AQP2: variants seen among roughly 807,000 people sequenced by gnomAD.
AQP2 encodes aquaporin-2.
AQP2 carries 20 observed loss-of-function variants against 21.6 expected under a neutral mutation model. That is an observed-to-expected ratio of 0.92 (90% confidence interval 0.65 to 1.34). The LOEUF (loss-of-function observed/expected upper bound fraction) is 1.34, where lower values mean the gene tolerates loss of function less well. Among genes scored for constraint, AQP2 ranks in the 40% most tolerant of loss-of-function variants. AQP2 has a pLI of 0.00. For synonymous variants in AQP2, 168 were observed against 166.9 expected (o/e 1.01, Z -0.05); for missense variants, 325 against 363.4 (o/e 0.89, Z 0.86).
chr12:49,957,705 A>AC lies in AQP2; in HGVS notation c.*2098dup, dbSNP rs1323903788. On this transcript the variant is annotated 3_prime_UTR_variant, in exon 4 of 4. Transcript: ENST00000199280. ...TAGCTAGTGACAGCCACTTGGCCTC[A>AC]CTACCAGAAGAAGGGTGGAGTCAGA... The AC allele has an allele frequency of 6.6e-6, 1 of 152,248 alleles. No homozygotes were observed. Among genetic ancestry groups the AC allele is most frequent in the Non-Finnish European group, 1.5e-5 (1 of 68,064 alleles). The allele number at this position is 152,248 out of a possible 1,614,324, so 9.4% of individuals were successfully genotyped here.
Position 49,957,002 on chromosome 12 carries a change from T to C in AQP2, c.*1394T>C, listed in dbSNP as rs1187704591. On this transcript the variant is annotated 3_prime_UTR_variant, in exon 4 of 4. Coordinates refer to ENST00000199280, the MANE Select transcript of AQP2 (RefSeq NM_000486.6). ...AATTTCTAGGCCAGTACTACTGCTC[T>C]CAAAAGAGATTAACTGGGATTAAGT... 6.6e-6 allele frequency: 1 copy of C among 152,638 alleles called. No homozygotes were observed. The highest frequency in any genetic ancestry group is 6.5e-5 in the Admixed American group (1 of 15,290). The allele number at this position is 152,638 out of a possible 1,614,324, so 9.5% of individuals were successfully genotyped here.
intron 1 of AQP2, among the ~76,000 whole-genome samples, chr12:49,952,979 T>A (rs1947340559): frequency 6.6e-6 from 1 of 152,190 alleles, no homozygotes. Context: ...AGTGGCAAAT[T>A]GAGGCTCAAC....
intron 1 of AQP2, among the ~76,000 whole-genome samples, chr12:49,952,472 G>A (rs910470888): frequency 6.6e-6 from 1 of 152,182 alleles, no homozygotes; most frequent in African/African-American, 2.4e-5. Flanking sequence ...GGCTAGGTGG[G>A]CAAGCAGAGG....
Position 49,956,917 on chromosome 12 carries a change from A to C in AQP2, c.*1309A>C, listed in dbSNP as rs1350108655. 6.6e-6 allele frequency: 1 copy of C among 152,628 alleles called. No homozygotes were observed. Among genetic ancestry groups the C allele is most frequent in the African/African-American group, 2.4e-5 (1 of 41,442 alleles). The allele number at this position is 152,628 out of a possible 1,614,324, so 9.5% of individuals were successfully genotyped here. On this transcript the variant is annotated 3_prime_UTR_variant, in exon 4 of 4. Coordinates refer to ENST00000199280, the MANE Select transcript of AQP2 (RefSeq NM_000486.6). ...AGAGCAGCCTGCTGCTCTCAGGACC[A>C]GAGAAGGGAAATGACTTCTCCAGGC... is the stretch of plus-strand genomic sequence containing the variant.
chr12:49,954,122 G>A (rs1416379233), intron 1 of AQP2, 33 bp from the exon 2 acceptor site: 10 of 1,597,364 alleles, frequency 6.3e-6, no homozygotes, highest in Non-Finnish European at 7.6e-6. Context: ...AGTGGGCTCA[G>A]TGTTCCCCTA....
Position 49,950,765 on chromosome 12 carries a change from C to G in AQP2, c.-66C>G, listed in dbSNP as rs143249649. 91 of 1,571,882 alleles carry G rather than the reference C, an allele frequency of 5.8e-5. No homozygotes were observed. In the African/African-American group the frequency reaches 7.7e-4, roughly 13 times the overall value. ...CCTTGAGAAAGAGAGCGATAGAGTGCGAGAGCGAGTGCCCGGAGCATCCTG... is the reference window on the plus strand; with the variant it reads ...CCTTGAGAAAGAGAGCGATAGAGTGGGAGAGCGAGTGCCCGGAGCATCCTG... On this transcript the variant is annotated 5_prime_UTR_variant, in exon 1 of 4. Coordinates refer to ENST00000199280, the MANE Select transcript of AQP2 (RefSeq NM_000486.6).
chr12:49,951,688 A>G lies in AQP2; in HGVS notation c.360+498A>G, dbSNP rs139531033. On this transcript the variant is annotated intron_variant, in intron 1 of 3. Transcript: ENST00000199280. Reference sequence around the variant, plus strand: ...CACAGCCCTGCAAGCAGCAATGGGCATACTCACTTCTCCAAACCTTGAGGA... The same window carrying G: ...CACAGCCCTGCAAGCAGCAATGGGCGTACTCACTTCTCCAAACCTTGAGGA... The G allele has an allele frequency of 2.0e-3, 317 of 155,540 alleles. 2 individuals carry two copies. The highest frequency in any genetic ancestry group is 7.3e-3 in the African/African-American group (303 of 41,674). 9.6% of individuals were successfully genotyped at this position (155,540 alleles called of 1,614,324 possible).
Position 49,955,788 on chromosome 12 carries a change from A to C in AQP2, c.*180A>C. The C allele has an allele frequency of 1.2e-6, 1 of 859,102 alleles. No homozygotes were observed. The highest frequency in any genetic ancestry group is 1.7e-5 in the African/African-American group (1 of 60,134). The allele number at this position is 859,102 out of a possible 1,614,324, so 53.2% of individuals were successfully genotyped here. A position where few individuals can be genotyped will look rare whatever the true frequency, so the allele number is the denominator to read the frequency against. On this transcript the variant is annotated 3_prime_UTR_variant, in exon 4 of 4. Transcript: ENST00000199280. ...AGGCGGGGAGGAGGCTGCCGGAGGG[A>C]GCCCTGAGCCTGGCAGGTCCCCTGC...
chr12:49,955,563 G>A lies in AQP2; in HGVS notation c.771G>A (p.Val257=). 6.3e-7 allele frequency: 1 copy of A among 1,598,714 alleles called. No homozygotes were observed. ...EEREVRRRQS[V]ELHSPQSLPR... Reference sequence around the variant, plus strand: ...GCGAGGTGCGACGGCGGCAGTCGGTGGAGCTGCACTCGCCGCAGAGCCTGC... The same window carrying A: ...GCGAGGTGCGACGGCGGCAGTCGGTAGAGCTGCACTCGCCGCAGAGCCTGC... Residue 257 remains valine, a synonymous_variant, in exon 4 of 4, where the codon GTG becomes GTA. Transcript: ENST00000199280.
chr12:49,951,265 A>T (rs989253486), intron 1 of AQP2, 75 bp downstream of exon 1: 6 of 1,505,968 alleles, frequency 4.0e-6, no homozygotes, highest in Middle Eastern at 2.1e-4. Flanking sequence ...GATGGGAGGG[A>T]TGGGCTCTGG....
intron 2 of AQP2, 66 bp downstream of exon 2, chr12:49,954,385 A>G: frequency 6.5e-7 from 1 of 1,528,914 alleles, no homozygotes; most frequent in Non-Finnish European, 8.9e-7. Context: ...CCAGAGACAG[A>G]CACAGAGACC....
chr12:49,951,414 A>C, intron 1 of AQP2: 1 of 659,898 alleles, frequency 1.5e-6, no homozygotes, highest in Non-Finnish European at 2.4e-6. Context: ...GGCTTCTTCC[A>C]CCCTGACCGT....
In AQP2 at chr12:49,956,601, G is replaced by A. The variant is rs1303436201; in HGVS notation, c.*993G>A. On this transcript the variant is annotated 3_prime_UTR_variant, in exon 4 of 4. Coordinates refer to ENST00000199280, the MANE Select transcript of AQP2 (RefSeq NM_000486.6). Reference sequence around the variant, plus strand: ...AAAACAAAAGCCCTTTGTGGGACCCGGGCCTTTGTCTTGGGTGAGGGGAGA... The same window carrying A: ...AAAACAAAAGCCCTTTGTGGGACCCAGGCCTTTGTCTTGGGTGAGGGGAGA... 2 of 152,082 alleles carry A rather than the reference G, an allele frequency of 1.3e-5. No individual in the cohort carries two copies. Among genetic ancestry groups the A allele is most frequent in the East Asian group, 1.9e-4 (1 of 5,184 alleles). The allele number at this position is 152,082 out of a possible 1,614,324, so 9.4% of individuals were successfully genotyped here.
rs1947373468 is a variant in AQP2, at chr12:49,956,732, C to A, written c.*1124C>A. 1 of 152,290 alleles carries A rather than the reference C, an allele frequency of 6.6e-6. No homozygotes were observed. Among genetic ancestry groups the A allele is most frequent in the Non-Finnish European group, 1.5e-5 (1 of 68,114 alleles). The allele number at this position is 152,290 out of a possible 1,614,324, so 9.4% of individuals were successfully genotyped here. On this transcript the variant is annotated 3_prime_UTR_variant, in exon 4 of 4. Transcript: ENST00000199280. ...TGGGCAAGGCGCTCAGGCATGCAAC[C>A]ATGGGCACCAGGCAATACCCATCCA...
At chr12:49,954,602 T>C (rs745947526) in intron 2 of AQP2, 28 bp from the exon 3 acceptor site, 2 of 1,612,444 alleles carry the variant, frequency 1.2e-6, no homozygotes, top group East Asian at 4.5e-5. Flanking sequence ...ACCTCCCTTC[T>C]CTCTTTGATG....
intron 1 of AQP2, 27 bp from the exon 2 acceptor site, chr12:49,954,128 C>T (rs777398717): frequency 6.9e-6 from 11 of 1,597,402 alleles, no homozygotes; most frequent in Admixed American, 1.7e-5. Context: ...CTCAGTGTTC[C>T]CCTACCCGCC....
chr12:49,955,411 G>C lies in AQP2; in HGVS notation c.619G>C (p.Gly207Arg). ...KFDDHWVFWI[G>R]PLVGAILGSL... is the part of the protein sequence containing the mutation. ...CGCTCGCCCCCAGGTCTTCTGGATCGGACCCCTGGTGGGCGCCATCCTGGG... is the reference window on the plus strand; with the variant it reads ...CGCTCGCCCCCAGGTCTTCTGGATCCGACCCCTGGTGGGCGCCATCCTGGG... The change falls in exon 4 of 4, where the codon GGA (glycine) becomes CGA (arginine). Residue 207 changes from glycine to arginine, a missense_variant. Gly to Arg is a moderately radical substitution (Grantham distance 125). Coordinates refer to ENST00000199280, the MANE Select transcript of AQP2 (RefSeq NM_000486.6). The C allele has an allele frequency of 6.2e-7, 1 of 1,612,532 alleles. No individual in the cohort carries two copies. The highest frequency in any genetic ancestry group is 8.5e-7 in the Non-Finnish European group (1 of 1,179,698).
At chr12:49,952,254 A>G (rs1444660539) in intron 1 of AQP2, among the ~76,000 whole-genome samples, 1 of 151,986 alleles carries the variant, frequency 6.6e-6, no homozygotes, top group Admixed American at 6.6e-5. Flanking sequence ...CCATGGGATT[A>G]CACGCCTGTA....
Position 49,955,666 on chromosome 12 carries a change from G to A in AQP2, c.*58G>A. 2 of 1,519,964 alleles carry A rather than the reference G, an allele frequency of 1.3e-6. No individual in the cohort carries two copies. The highest frequency in any genetic ancestry group is 2.4e-5 in the South Asian group (2 of 83,682). The allele number at this position is 1,519,964 out of a possible 1,614,324, so 94.2% of individuals were successfully genotyped here. A position where few individuals can be genotyped will look rare whatever the true frequency, so the allele number is the denominator to read the frequency against. ...CGCTTGTGAGGCCCGAGGCAGAAGG[G>A]CCCACCCCGTCCCTCCTCTCCCGCA... On this transcript the variant is annotated 3_prime_UTR_variant, in exon 4 of 4. Transcript: ENST00000199280.
Sources: gnomAD v4.1 joint callset for allele counts (sites outside exome capture counted in the v4.1 genomes callset) on GRCh38, gnomAD v4.1.1 for gene constraint, MANE v1.5 for transcripts, NCBI Gene and HGNC (gene_info 2026-07-23, HGNC 2026-07-21) for gene names.